IGF1R: variants seen among roughly 807,000 people sequenced by gnomAD.
IGF1R encodes insulin like growth factor 1 receptor, also known as insulin-like growth factor 1 receptor.
A neutral mutation model predicts 144.6 loss-of-function variants in IGF1R; 44 were observed. The observed-to-expected ratio is 0.30, with a 90% confidence interval of 0.24 to 0.39. The LOEUF is 0.39. IGF1R is among the 10% of genes least tolerant of loss of function. IGF1R has a pLI of 1.00. For synonymous variants in IGF1R, 795 were observed against 722.8 expected (o/e 1.10, Z -1.60); for missense variants, 1,355 against 1,833.7 (o/e 0.74, Z 4.77).
intron 2 of IGF1R, among the ~76,000 whole-genome samples, chr15:98,768,816 T>C (rs2055507447): frequency 2.1e-5 from 3 of 140,406 alleles, no homozygotes; most frequent in African/African-American, 7.9e-5. Flanking sequence ...TAGTCCCAGC[T>C]ACTCGGGAGG....
chr15:98,702,406 A>G lies in IGF1R; in HGVS notation c.95-5156A>G, dbSNP rs1162425759. Among the ~76,000 whole-genome samples, 10 of 152,162 alleles carry G rather than the reference A, an allele frequency of 6.6e-5. No homozygotes were observed. In the East Asian group the frequency reaches 1.9e-3, roughly 29 times the overall value. On this transcript the variant is annotated intron_variant, in intron 1 of 20. Coordinates refer to ENST00000650285, the MANE Select transcript of IGF1R (RefSeq NM_000875.5). ...CTCTGTGTCTCCCAGGCTGGAGTGC[A>G]GTGGTGTGATCTTGACTTGTTGCAA...
At chr15:98,934,238 A>T (rs934931656) in intron 15 of IGF1R, among the ~76,000 whole-genome samples, 3 of 151,940 alleles carry the variant, frequency 2.0e-5, no homozygotes, top group Admixed American at 1.3e-4. Context: ...GCCCAGGCAT[A>T]GCATCTGTGT....
intron 13 of IGF1R, among the ~76,000 whole-genome samples, chr15:98,926,467 C>T (rs1243411211): frequency 6.6e-6 from 1 of 152,102 alleles, no homozygotes; most frequent in Non-Finnish European, 1.5e-5. Flanking sequence ...TCTCACCACA[C>T]ACAAAAAAAT....
At chr15:98,792,998 C>T (rs1040566755) in intron 2 of IGF1R, among the ~76,000 whole-genome samples, 1 of 152,062 alleles carries the variant, frequency 6.6e-6, no homozygotes, top group Non-Finnish European at 1.5e-5. Context: ...TTTTCTTCCT[C>T]CTGAAAAGCT....
intron 10 of IGF1R, among the ~76,000 whole-genome samples, chr15:98,918,656 G>A (rs1237925883): frequency 3.9e-5 from 6 of 152,060 alleles, no homozygotes; most frequent in African/African-American, 9.7e-5. Flanking sequence ...TGAGGTGGGT[G>A]GATCACAAGA....
intron 2 of IGF1R, among the ~76,000 whole-genome samples, chr15:98,725,470 C>T (rs1243173990): frequency 6.6e-6 from 1 of 152,058 alleles, no homozygotes; most frequent in Non-Finnish European, 1.5e-5. Flanking sequence ...AGATTTGAAC[C>T]CCAGTTCCTC....
chr15:98,958,032 C>T lies in IGF1R; in HGVS notation c.*590C>T, dbSNP rs2017078489. On this transcript the variant is annotated 3_prime_UTR_variant, in exon 21 of 21. Transcript: ENST00000650285. Reference sequence around the variant, plus strand: ...CCATTTTAACGCTGCCTAATTTTGCCAAAATCCTGAACTTTCTCCCTCATC... The same window carrying T: ...CCATTTTAACGCTGCCTAATTTTGCTAAAATCCTGAACTTTCTCCCTCATC... 4.3e-6 allele frequency: 1 copy of T among 234,092 alleles called. No homozygotes were observed. The highest frequency in any genetic ancestry group is 6.0e-5 in the East Asian group (1 of 16,570). The allele number at this position is 234,092 out of a possible 1,614,324, so 14.5% of individuals were successfully genotyped here. A position where few individuals can be genotyped will look rare whatever the true frequency, so the allele number is the denominator to read the frequency against.
intron 5 of IGF1R, among the ~76,000 whole-genome samples, chr15:98,905,277 A>AT (rs150558366): frequency 6.6e-6 from 1 of 152,134 alleles, no homozygotes; most frequent in Admixed American, 6.5e-5. Context: ...AGAAATAAAC[A>AT]TTTTTTACAA....
rs1460352978 is a variant in IGF1R, at chr15:98,960,712, C to A, written c.*3270C>A. 3 of 233,368 alleles carry A rather than the reference C, an allele frequency of 1.3e-5. No homozygotes were observed. In the East Asian group the frequency reaches 1.8e-4, roughly 14 times the overall value. 14.5% of individuals were successfully genotyped at this position (233,368 alleles called of 1,614,324 possible). On this transcript the variant is annotated 3_prime_UTR_variant, in exon 21 of 21. Transcript: ENST00000650285. ...AGCTGGAGAGCAAGAGTCACCCAGC[C>A]TGTGCGCCAGAATGCAGAGGCTCCT...
chr15:98,879,794 A>G (rs7165181), intron 2 of IGF1R, among the ~76,000 whole-genome samples: 39,475 of 152,032 alleles, frequency 0.26, 5,480 homozygotes, highest in East Asian at 0.42. Flanking sequence ...ATGAAAATAA[A>G]AAGGAATGAA....
At chr15:98,680,423 C>T (rs771916876) in intron 1 of IGF1R, among the ~76,000 whole-genome samples, 4 of 152,052 alleles carry the variant, frequency 2.6e-5, no homozygotes, top group South Asian at 2.1e-4. Context: ...CCTGCCACCA[C>T]GCCTGGCTAA....
At chr15:98,796,866 T>C (rs1406399586) in intron 2 of IGF1R, among the ~76,000 whole-genome samples, 3 of 152,244 alleles carry the variant, frequency 2.0e-5, no homozygotes, top group Non-Finnish European at 2.9e-5. Context: ...AAATGTTTGC[T>C]GAATGCATGT....
intron 2 of IGF1R, among the ~76,000 whole-genome samples, chr15:98,736,500 C>G (rs1254821308): frequency 1.3e-5 from 2 of 151,972 alleles, no homozygotes; most frequent in African/African-American, 4.8e-5. Flanking sequence ...AGGGTGATAT[C>G]GTAACTTCGT....
intron 2 of IGF1R, among the ~76,000 whole-genome samples, chr15:98,886,455 C>T (rs2013646114): frequency 1.3e-5 from 2 of 152,138 alleles, no homozygotes; most frequent in African/African-American, 4.8e-5. Context: ...GTAAGAATTC[C>T]AAGGAATAGA....
intron 10 of IGF1R, among the ~76,000 whole-genome samples, chr15:98,921,561 T>TG (rs2015488622): frequency 6.6e-6 from 1 of 152,138 alleles, no homozygotes; most frequent in East Asian, 1.9e-4. Context: ...CGCTTGGGGT[T>TG]GGGGGTGGGC....
chr15:98,894,624 C>T (rs932330312), intron 3 of IGF1R, among the ~76,000 whole-genome samples: 3 of 152,194 alleles, frequency 2.0e-5, no homozygotes, highest in Non-Finnish European at 2.9e-5. Flanking sequence ...CAGATTATAG[C>T]CAGGCACGGC....
At chr15:98,845,780 C>G (rs1440573788) in intron 2 of IGF1R, among the ~76,000 whole-genome samples, 1 of 151,986 alleles carries the variant, frequency 6.6e-6, no homozygotes, top group Non-Finnish European at 1.5e-5. Flanking sequence ...CTTGTTTGCC[C>G]ATAAGTGTTT....
chr15:98,682,603 A>G (rs7165421), intron 1 of IGF1R, among the ~76,000 whole-genome samples: 16,881 of 152,048 alleles, frequency 0.11, 1,758 homozygotes, highest in African/African-American at 0.27. Flanking sequence ...GCTGGAGTGC[A>G]GTGGCCTGAT....
chr15:98,661,369 G>T (rs1301462448), intron 1 of IGF1R, among the ~76,000 whole-genome samples: 1 of 152,240 alleles, frequency 6.6e-6, no homozygotes, highest in Admixed American at 6.5e-5. Context: ...CTAGGTTGGT[G>T]TCAAGGGGAC....
Sources: gnomAD v4.1 joint callset for allele counts (sites outside exome capture counted in the v4.1 genomes callset) on GRCh38, gnomAD v4.1.1 for gene constraint, MANE v1.5 for transcripts, NCBI Gene and HGNC (gene_info 2026-07-23, HGNC 2026-07-21) for gene names.